THSD7A: variants seen among roughly 807,000 people sequenced by gnomAD.
THSD7A encodes the protein thrombospondin type-1 domain-containing protein 7A.
Under a neutral mutation model 231.3 loss-of-function variants are expected in THSD7A, and 96 were observed. The ratio of observed to expected loss-of-function variants is 0.41; its 90% CI spans 0.35 to 0.49. The LOEUF (loss-of-function observed/expected upper bound fraction) is 0.49, where lower values mean the gene tolerates loss of function less well. Ranked by LOEUF, THSD7A falls within the 20% of genes least tolerant of loss-of-function variation. The probability of loss-of-function intolerance (pLI) is 0.05; values close to 1 mark genes in which losing one functional copy is unlikely to be tolerated. For synonymous variants in THSD7A, 940 were observed against 743.3 expected, an observed-to-expected ratio of 1.26 and a Z score of -4.30; for missense variants, 2,290 against 2,070.2, an observed-to-expected ratio of 1.11 and a Z score of -2.06.
chr7:11,434,469 A>G (rs986149008), intron 13 of THSD7A, among the ~76,000 whole-genome samples: 1 of 152,162 alleles, frequency 6.6e-6, no homozygotes, highest in Non-Finnish European at 1.5e-5. Context: ...ATGTGGAGAT[A>G]AAGTAGATTT....
At chr7:11,744,583 C>T (rs1047733594) in intron 1 of THSD7A, among the ~76,000 whole-genome samples, 10 of 141,486 alleles carry the variant, frequency 7.1e-5, no homozygotes, top group African/African-American at 2.6e-4. Flanking sequence ...CTAATGCTAT[C>T]CTTCCCCCCT....
intron 7 of THSD7A, among the ~76,000 whole-genome samples, chr7:11,478,660 G>C (rs990836396): frequency 6.6e-6 from 1 of 152,178 alleles, no homozygotes; most frequent in Non-Finnish European, 1.5e-5. Context: ...ATGAGGAAGA[G>C]AAAGTGCCAT....
At chr7:11,408,691 G>T (rs572004503) in intron 19 of THSD7A, among the ~76,000 whole-genome samples, 1 of 151,898 alleles carries the variant, frequency 6.6e-6, no homozygotes, top group African/African-American at 2.4e-5. Flanking sequence ...GAAACATTAC[G>T]TTGTGTTTCA....
At chr7:11,393,341 C>T (rs1027423776) in intron 23 of THSD7A, among the ~76,000 whole-genome samples, 6 of 152,294 alleles carry the variant, frequency 3.9e-5, no homozygotes, top group Admixed American at 2.6e-4. Context: ...AAAGGATGTC[C>T]ACTCAGAGAC....
At chr7:11,603,226 C>T (rs1183341467) in intron 2 of THSD7A, among the ~76,000 whole-genome samples, 8 of 151,886 alleles carry the variant, frequency 5.3e-5, no homozygotes, top group African/African-American at 1.9e-4. Flanking sequence ...AGGACATGAA[C>T]AGACACTTCT....
chr7:11,650,288 T>C (rs977389909), intron 1 of THSD7A, among the ~76,000 whole-genome samples: 2 of 152,062 alleles, frequency 1.3e-5, no homozygotes, highest in Non-Finnish European at 2.9e-5. Flanking sequence ...GAATATAATG[T>C]GGACAACGTC....
rs552293372 is a variant in THSD7A, at chr7:11,790,036, TATTTC to T, written c.190+41716_190+41720del. On this transcript the variant is annotated intron_variant, in intron 1 of 27. Transcript: ENST00000423059. ...AATATTTGCACTGCATTGATATATTTATTTCAATATTTATTTGAAAATTAAATGTT... is the reference window on the plus strand; with the variant it reads ...AATATTTGCACTGCATTGATATATTTAATATTTATTTGAAAATTAAATGTT... Among the ~76,000 whole-genome samples, 362 of 152,156 alleles carry T rather than the reference TATTTC, an allele frequency of 2.4e-3. 2 individuals are homozygous for T. Among genetic ancestry groups the T allele is most frequent in the African/African-American group, 8.4e-3 (350 of 41,554 alleles).
rs7781718 is a variant in THSD7A, at chr7:11,433,849, A to G, written c.3065-4724T>C. Reference sequence around the variant, plus strand: ...GTGTTATTAAGGAAGGAGATACAAAACTTTTATGTCCGATTTTCCAATAGC... The same window carrying G: ...GTGTTATTAAGGAAGGAGATACAAAGCTTTTATGTCCGATTTTCCAATAGC... On this transcript the variant is annotated intron_variant, in intron 13 of 27. Coordinates refer to ENST00000423059, the MANE Select transcript of THSD7A (RefSeq NM_015204.3). Among the ~76,000 whole-genome samples, 1,494 of 152,110 alleles carry G rather than the reference A, an allele frequency of 9.8e-3. 37 individuals carry two copies. The highest frequency in any genetic ancestry group is 0.034 in the African/African-American group (1,412 of 41,544).
chr7:11,588,708 A>G (rs1283859906), intron 4 of THSD7A, among the ~76,000 whole-genome samples: 3 of 152,294 alleles, frequency 2.0e-5, no homozygotes, highest in East Asian at 3.9e-4. Context: ...TACAGGACAT[A>G]ATTGACATTC....
At chr7:11,397,817 C>T (rs1783247386) in intron 23 of THSD7A, among the ~76,000 whole-genome samples, 1 of 152,194 alleles carries the variant, frequency 6.6e-6, no homozygotes, top group South Asian at 2.1e-4. Flanking sequence ...CAACACTGGT[C>T]ATTAGAGAAA....
chr7:11,613,494 A>G (rs1170325373), intron 2 of THSD7A, among the ~76,000 whole-genome samples: 1 of 152,170 alleles, frequency 6.6e-6, no homozygotes, highest in Admixed American at 6.5e-5. Context: ...GTGCAGAGTC[A>G]TATCTTTCCT....
intron 1 of THSD7A, among the ~76,000 whole-genome samples, chr7:11,721,095 C>T (rs1260565777): frequency 2.0e-5 from 3 of 151,820 alleles, no homozygotes; most frequent in Non-Finnish European, 4.4e-5. Flanking sequence ...ATATATTAAA[C>T]TGTTAGAAAA....
intron 14 of THSD7A, 93 bp from the exon 15 acceptor site, chr7:11,426,764 C>A: frequency 7.5e-7 from 1 of 1,333,898 alleles, no homozygotes; most frequent in South Asian, 1.4e-5. Flanking sequence ...TGGTAAGTTT[C>A]AAGTATTATT....
At chr7:11,638,660 G>A (rs910962406) in intron 1 of THSD7A, among the ~76,000 whole-genome samples, 1 of 151,918 alleles carries the variant, frequency 6.6e-6, no homozygotes, top group South Asian at 2.1e-4. Context: ...AAATTATAAG[G>A]GATGTAAAAT....
intron 14 of THSD7A, among the ~76,000 whole-genome samples, chr7:11,427,492 CA>C (rs1784359188): frequency 6.6e-6 from 1 of 152,060 alleles, no homozygotes; most frequent in Non-Finnish European, 1.5e-5. Context: ...CTAGGAATAG[CA>C]AAGACAACTT....
At chr7:11,513,869 T>TA (rs1787919074) in intron 6 of THSD7A, among the ~76,000 whole-genome samples, 1 of 151,834 alleles carries the variant, frequency 6.6e-6, no homozygotes, top group African/African-American at 2.4e-5. Flanking sequence ...GACAACCTGA[T>TA]ACATTTTTAC....
chr7:11,554,972 T>A (rs1387398841), intron 4 of THSD7A, among the ~76,000 whole-genome samples: 1 of 151,988 alleles, frequency 6.6e-6, no homozygotes, highest in Non-Finnish European at 1.5e-5. Flanking sequence ...ATTCCTGGTG[T>A]TGGTGATTTG....
At chr7:11,821,316 G>C in intron 1 of THSD7A, 1 of 779,448 alleles carries the variant, frequency 1.3e-6, no homozygotes, top group Non-Finnish European at 2.3e-6. Context: ...CAACAGTTTT[G>C]TTCTTAATTT....
intron 2 of THSD7A, among the ~76,000 whole-genome samples, chr7:11,619,932 A>G (rs1168086286): frequency 6.6e-6 from 1 of 152,152 alleles, no homozygotes; most frequent in African/African-American, 2.4e-5. Flanking sequence ...ACATGTCTCT[A>G]TAAGGTGCTG....
Sources: gnomAD v4.1 joint callset for allele counts (sites outside exome capture counted in the v4.1 genomes callset) on GRCh38, gnomAD v4.1.1 for gene constraint, MANE v1.5 for transcripts, NCBI Gene and HGNC (gene_info 2026-07-23, HGNC 2026-07-21) for gene names.